Variants in GPR158 observed in about 807,000 individuals in gnomAD.
GPR158 encodes G protein-coupled receptor 158.
Under a neutral mutation model 78.2 loss-of-function variants are expected in GPR158, and 30 were observed. The observed-to-expected ratio is 0.38, with a 90% CI of 0.29 to 0.52. The LOEUF (loss-of-function observed/expected upper bound fraction) is 0.52. Ranked by LOEUF, GPR158 falls within the 20% of genes least tolerant of loss-of-function variation. The pLI is 0.83. For synonymous variants in GPR158, 581 were observed against 591.1 expected, an observed-to-expected ratio of 0.98 and a Z score of 0.25; for missense variants, 1,463 against 1,523.5, an observed-to-expected ratio of 0.96 and a Z score of 0.66.
chr10:25,524,075 A>G (rs1200604557), intron 5 of GPR158, among the ~76,000 whole-genome samples: 1 of 152,242 alleles, frequency 6.6e-6, no homozygotes. Flanking sequence ...CAATTCCATT[A>G]GAAAAAGAAT....
chr10:25,260,131 CTGTT>C (rs369183834), intron 2 of GPR158, among the ~76,000 whole-genome samples: 2 of 152,174 alleles, frequency 1.3e-5, no homozygotes, highest in African/African-American at 4.8e-5. Flanking sequence ...AACGAGGTAA[CTGTT>C]TGACTACGGC....
At chr10:25,472,516 G>C (rs7086959) in intron 5 of GPR158, among the ~76,000 whole-genome samples, 36,647 of 151,934 alleles carry the variant, frequency 0.24, 6,054 homozygotes, top group African/African-American at 0.47. Flanking sequence ...ATTGGTAGCT[G>C]GATGGGGATG....
At chr10:25,571,456 AATCTTTAT>A (rs1837006786) in intron 6 of GPR158, among the ~76,000 whole-genome samples, 1 of 152,188 alleles carries the variant, frequency 6.6e-6, no homozygotes, top group African/African-American at 2.4e-5. Context: ...GATTTAGAAT[AATCTTTAT>A]AAAAAATTCA....
intron 2 of GPR158, among the ~76,000 whole-genome samples, chr10:25,241,301 T>TTTCTCTTCTC (rs1853617047): frequency 7.9e-6 from 1 of 125,974 alleles, no homozygotes; most frequent in South Asian, 2.4e-4. Context: ...TTTCTTTTCT[T>TTTCTCTTCTC]TTCTTTTCTT....
chr10:25,248,706 T>G (rs1468978090), intron 2 of GPR158, among the ~76,000 whole-genome samples: 4 of 151,086 alleles, frequency 2.6e-5, no homozygotes, highest in Admixed American at 2.0e-4. Flanking sequence ...CATGCTGTTT[T>G]GGTTACTGTA....
In GPR158 at chr10:25,544,583, A is replaced by G. The variant is rs1174680510; in HGVS notation, c.1405-6393A>G. On this transcript the variant is annotated intron_variant, in intron 5 of 10. Coordinates refer to ENST00000376351, the MANE Select transcript of GPR158 (RefSeq NM_020752.3). ...TAGCTATCAGTATATCACTATTATC[A>G]TAATTCATAAATTCTTCAGCTTAGT... 2.6e-5 allele frequency among the ~76,000 whole-genome samples: 4 copies of G among 152,190 alleles called. No homozygotes were observed. In the East Asian group the frequency reaches 7.7e-4, roughly 29 times the overall value.
intron 5 of GPR158, among the ~76,000 whole-genome samples, chr10:25,546,055 A>G (rs1836658261): frequency 6.6e-6 from 1 of 152,162 alleles, no homozygotes; most frequent in Admixed American, 6.6e-5. Context: ...GGGATGCTGG[A>G]GAGAGTCATG....
chr10:25,430,134 C>G lies in GPR158; in HGVS notation c.1335+17661C>G, dbSNP rs553386085. Among the ~76,000 whole-genome samples the G allele has an allele frequency of 5.4e-3, 817 of 151,938 alleles. 12 individuals carry two copies. Among genetic ancestry groups the G allele is most frequent in the African/African-American group, 0.019 (790 of 41,430 alleles). ...ACCCCACTGTCTCAGCCCAAAATCTCCTTAAGCTGATAAGCAACTTCAGCA... is the reference window on the plus strand; with the variant it reads ...ACCCCACTGTCTCAGCCCAAAATCTGCTTAAGCTGATAAGCAACTTCAGCA... On this transcript the variant is annotated intron_variant, in intron 4 of 10. Coordinates refer to ENST00000376351, the MANE Select transcript of GPR158 (RefSeq NM_020752.3).
chr10:25,558,586 C>T (rs758592089), intron 6 of GPR158, among the ~76,000 whole-genome samples: 9 of 152,220 alleles, frequency 5.9e-5, no homozygotes, highest in South Asian at 2.1e-4. Flanking sequence ...TGTTTTTGGA[C>T]GGCTGCACCC....
At chr10:25,262,235 G>T (rs1853977287) in intron 2 of GPR158, among the ~76,000 whole-genome samples, 1 of 152,118 alleles carries the variant, frequency 6.6e-6, no homozygotes, top group African/African-American at 2.4e-5. Context: ...TGGAGGTCTG[G>T]AATGCTTTAG....
intron 5 of GPR158, among the ~76,000 whole-genome samples, chr10:25,496,824 C>T (rs1241926804): frequency 6.6e-6 from 1 of 152,182 alleles, no homozygotes; most frequent in Non-Finnish European, 1.5e-5. Context: ...AAATTATACA[C>T]AAACCTTGTT....
At position 25,596,693 on chromosome 10, in the gene GPR158, T is replaced by A; in HGVS notation, c.2049T>A (p.Tyr683Ter). The A allele has an allele frequency of 6.2e-7, 1 of 1,613,468 alleles. No individual in the cohort carries two copies. Among genetic ancestry groups the A allele is most frequent in the Non-Finnish European group, 8.5e-7 (1 of 1,179,494 alleles). ...NPRDDIATEA[Y>*]EDELDMGRSG... ...GAGATGATATTGCTACAGAAGCATATGAGGATGAGCTAGACATGGGCCGAT... is the reference window on the plus strand; with the variant it reads ...GAGATGATATTGCTACAGAAGCATAAGAGGATGAGCTAGACATGGGCCGAT... The change falls in exon 10 of 11, where the codon TAT becomes TAA. Residue 683 changes from tyrosine to a stop codon, truncating the protein, a stop_gained. Coordinates refer to ENST00000376351, the MANE Select transcript of GPR158 (RefSeq NM_020752.3). LOFTEE classifies it high-confidence loss of function.
In GPR158 at chr10:25,551,069, A is replaced by G; in HGVS notation, c.1498A>G (p.Thr500Ala). 1.3e-6 allele frequency: 2 copies of G among 1,565,848 alleles called. No individual in the cohort carries two copies. Among genetic ancestry groups the G allele is most frequent in the Non-Finnish European group, 1.8e-6 (2 of 1,136,146 alleles). ...TTTTGCTACTGTTTACGGAACTGTC[A>G]CTCTCAAACTTCACAGGTATATACA... ...LGFATVYGTV[T>A]LKLHRVLKVF... is the part of the protein sequence containing the mutation. Residue 500 changes from threonine (T) to alanine (A), a missense_variant, in exon 6 of 11, where the codon ACT becomes GCT. Coordinates refer to ENST00000376351, the MANE Select transcript of GPR158 (RefSeq NM_020752.3).
intron 2 of GPR158, among the ~76,000 whole-genome samples, chr10:25,392,183 A>G (rs1834308603): frequency 6.6e-6 from 1 of 152,206 alleles, no homozygotes; most frequent in Admixed American, 6.5e-5. Flanking sequence ...TAATACAGCC[A>G]TCGAAGCTGC....
intron 1 of GPR158, among the ~76,000 whole-genome samples, chr10:25,211,253 C>T (rs1430408898): frequency 2.0e-5 from 3 of 151,990 alleles, no homozygotes; most frequent in African/African-American, 4.8e-5. Context: ...TGTTTTGTGC[C>T]ACTATAACGA....
In GPR158 at chr10:25,396,007, T is replaced by C; in HGVS notation, c.1105T>C (p.Phe369Leu). 3 of 1,530,398 alleles carry C rather than the reference T, an allele frequency of 2.0e-6. No individual in the cohort carries two copies. Among genetic ancestry groups the C allele is most frequent in the South Asian group, 1.1e-5 (1 of 89,414 alleles). 94.8% of individuals were successfully genotyped at this position (1,530,398 alleles called of 1,614,324 possible). A position where few individuals can be genotyped will look rare whatever the true frequency, so the allele number is the denominator to read the frequency against. ...YHPGVLPVNNFRRRGPDQHIS... is the reference protein window; with the variant it reads ...YHPGVLPVNNLRRRGPDQHIS... ...TCCTGGAGTCTTACCAGTGAACAACTTTCGGAGTAAGTGCCCTTTGTTTCT... is the reference window on the plus strand; with the variant it reads ...TCCTGGAGTCTTACCAGTGAACAACCTTCGGAGTAAGTGCCCTTTGTTTCT... Residue 369 changes from phenylalanine (F) to leucine (L), a missense_variant, in exon 3 of 11, where the codon TTT (phenylalanine) becomes CTT (leucine). Phe to Leu is a conservative substitution (Grantham distance 22). Coordinates refer to ENST00000376351, the MANE Select transcript of GPR158 (RefSeq NM_020752.3).
chr10:25,351,961 TCACCATTCAGCTCC>T (rs762903746), intron 2 of GPR158, among the ~76,000 whole-genome samples: 5 of 151,926 alleles, frequency 3.3e-5, no homozygotes, highest in African/African-American at 4.8e-5. Flanking sequence ...CCATGTGTTC[TCACCATTCAGCTCC>T]CACTTATCAG....
At chr10:25,178,521 T>C (rs1459701576) in intron 1 of GPR158, among the ~76,000 whole-genome samples, 1 of 152,204 alleles carries the variant, frequency 6.6e-6, no homozygotes, top group Non-Finnish European at 1.5e-5. Context: ...GAGTCTCAGG[T>C]TGAGAGGGCT....
chr10:25,381,778 T>G lies in GPR158; in HGVS notation c.1009-14133T>G, dbSNP rs556487232. On this transcript the variant is annotated intron_variant, in intron 2 of 10. Coordinates refer to ENST00000376351, the MANE Select transcript of GPR158 (RefSeq NM_020752.3). ...TCATATTAACTTATTTTGTTTAGCA[T>G]TTTTTATTTTAAACAACAATTTATT... Among the ~76,000 whole-genome samples, 7 of 152,346 alleles carry G rather than the reference T, an allele frequency of 4.6e-5. No homozygotes were observed. The South Asian group carries it at 1.4e-3, about 32-fold the overall frequency.
Sources: gnomAD v4.1 joint callset for allele counts (sites outside exome capture counted in the v4.1 genomes callset) on GRCh38, gnomAD v4.1.1 for gene constraint, MANE v1.5 for transcripts, NCBI Gene and HGNC (gene_info 2026-07-23, HGNC 2026-07-21) for gene names.